Variants in SOX6 observed in about 807,000 individuals in gnomAD.
SOX6 encodes transcription factor SOX-6.
SOX6 carries 11 observed loss-of-function variants against 97.8 expected under a neutral mutation model. The observed-to-expected ratio is 0.11, with a 90% CI of 0.07 to 0.19. SOX6 has a LOEUF of 0.19. SOX6 is among the 10% of genes least tolerant of loss of function. The pLI is 1.00. For synonymous variants in SOX6, 360 were observed against 371.4 expected, an observed-to-expected ratio of 0.97 and a Z score of 0.35; for missense variants, 810 against 1,039.5, an observed-to-expected ratio of 0.78 and a Z score of 3.04.
chr11:16,163,745 C>T (rs1850814888), intron 6 of SOX6, among the ~76,000 whole-genome samples: 1 of 152,204 alleles, frequency 6.6e-6, no homozygotes, highest in Admixed American at 6.5e-5. Context: ...AAGCCTAACC[C>T]AAAAGGAATG....
intron 3 of SOX6, among the ~76,000 whole-genome samples, chr11:16,632,559 G>A (rs946875152): frequency 6.6e-6 from 1 of 152,202 alleles, no homozygotes; most frequent in African/African-American, 2.4e-5. Context: ...CTGGGGCAGG[G>A]TGAAGGGGCC....
intron 3 of SOX6, among the ~76,000 whole-genome samples, chr11:16,697,206 C>G (rs2134039313): frequency 6.6e-6 from 1 of 152,310 alleles, no homozygotes; most frequent in Admixed American, 6.5e-5. Flanking sequence ...CCACTGAAGT[C>G]TTGAGCCCCT....
At chr11:16,262,890 A>G (rs1853944992) in intron 3 of SOX6, among the ~76,000 whole-genome samples, 1 of 151,998 alleles carries the variant, frequency 6.6e-6, no homozygotes, top group South Asian at 2.1e-4. Context: ...ATACTATTCT[A>G]TGGCTATGTG....
intron 1 of SOX6, among the ~76,000 whole-genome samples, chr11:16,442,687 AG>A (rs1478743832): frequency 6.6e-6 from 1 of 152,168 alleles, no homozygotes; most frequent in Non-Finnish European, 1.5e-5. Context: ...CAACTCAAAA[AG>A]GACCATTTTA....
At chr11:16,583,130 A>T (rs528264999) in intron 4 of SOX6, among the ~76,000 whole-genome samples, 121 of 152,156 alleles carry the variant, frequency 8.0e-4, no homozygotes, top group Non-Finnish European at 1.2e-3. Flanking sequence ...AATATATTCA[A>T]TATATAAAAT....
intron 7 of SOX6, among the ~76,000 whole-genome samples, chr11:16,107,968 A>T (rs1456460214): frequency 6.6e-6 from 1 of 152,164 alleles, no homozygotes; most frequent in Non-Finnish European, 1.5e-5. Context: ...TCACCGTCAG[A>T]CTTTACTCCC....
intron 2 of SOX6, among the ~76,000 whole-genome samples, chr11:16,340,184 T>G (rs2134339299): frequency 6.6e-6 from 1 of 152,216 alleles, no homozygotes; most frequent in Non-Finnish European, 1.5e-5. Flanking sequence ...AAATAAAAAT[T>G]TTCTCAGTGT....
intron 6 of SOX6, among the ~76,000 whole-genome samples, chr11:16,138,936 A>C (rs376825892): frequency 1.3e-5 from 2 of 152,210 alleles, no homozygotes; most frequent in South Asian, 4.2e-4. Context: ...ACATTTTCTT[A>C]ATCCAGTCTA....
chr11:16,578,021 T>C (rs1011001540), intron 4 of SOX6, among the ~76,000 whole-genome samples: 2 of 152,286 alleles, frequency 1.3e-5, no homozygotes, highest in Middle Eastern at 3.4e-3. Context: ...TGTATTCCTA[T>C]GTTTTCTTCC....
chr11:16,006,840 A>G (rs572362389), intron 13 of SOX6, among the ~76,000 whole-genome samples: 11 of 152,050 alleles, frequency 7.2e-5, no homozygotes, highest in Non-Finnish European at 1.5e-4. Flanking sequence ...CCATAACAGT[A>G]TGGTGTTATG....
intron 6 of SOX6, among the ~76,000 whole-genome samples, chr11:16,176,078 T>C (rs953976133): frequency 1.7e-3 from 256 of 149,636 alleles, no homozygotes; most frequent in Admixed American, 2.3e-3. Flanking sequence ...GACGGATGGA[T>C]GGATGGATGG....
upstream of SOX6, among the ~76,000 whole-genome samples, chr11:16,480,977 C>T (rs1590218873): frequency 6.6e-6 from 1 of 152,050 alleles, no homozygotes; most frequent in South Asian, 2.1e-4. Context: ...AGGAAAATAT[C>T]GATGCCTGGT....
intron 15 of SOX6, among the ~76,000 whole-genome samples, chr11:15,979,000 G>T (rs1853583790): frequency 1.7e-5 from 1 of 59,140 alleles, no homozygotes; most frequent in African/African-American, 4.2e-5. Flanking sequence ...ATATATACAT[G>T]CTTATTTTAT....
chr11:16,079,693 A>G (rs1282802972), intron 9 of SOX6, among the ~76,000 whole-genome samples: 2 of 151,948 alleles, frequency 1.3e-5, no homozygotes, highest in Non-Finnish European at 2.9e-5. Context: ...TTCTTCTTAC[A>G]TTTTCTTCTG....
chr11:16,399,996 A>T (rs1332500451), intron 1 of SOX6, among the ~76,000 whole-genome samples: 1 of 151,476 alleles, frequency 6.6e-6, no homozygotes, highest in Non-Finnish European at 1.5e-5. Flanking sequence ...AAAAAAAGAC[A>T]GTTTCAGTTC....
At chr11:16,672,474 G>A (rs761692797) in intron 3 of SOX6, among the ~76,000 whole-genome samples, 4 of 152,200 alleles carry the variant, frequency 2.6e-5, no homozygotes, top group Non-Finnish European at 2.9e-5. Context: ...CTATGTGGCT[G>A]GGGAGGCCTC....
At chr11:16,447,217 A>C (rs1467589950) in intron 1 of SOX6, among the ~76,000 whole-genome samples, 1 of 152,152 alleles carries the variant, frequency 6.6e-6, no homozygotes, top group Non-Finnish European at 1.5e-5. Context: ...AAATTAAGTA[A>C]TTTTTAAGCT....
At chr11:15,988,933 C>T (rs1853953845) in intron 14 of SOX6, 64 bp downstream of exon 14, 1 of 1,497,282 alleles carries the variant, frequency 6.7e-7, no homozygotes, top group East Asian at 2.3e-5. Flanking sequence ...TTGCTTCCCA[C>T]CCTGGTGGCA....
At chr11:16,261,680 A>T (rs1474254572) in intron 3 of SOX6, among the ~76,000 whole-genome samples, 1 of 152,066 alleles carries the variant, frequency 6.6e-6, no homozygotes, top group Non-Finnish European at 1.5e-5. Flanking sequence ...TTACAAATTC[A>T]ATGCAGTCTA....
Sources: allele counts gnomAD v4.1 joint callset (sites outside exome capture counted in the v4.1 genomes callset), GRCh38; gene constraint gnomAD v4.1.1; transcripts MANE v1.5; gene names NCBI Gene and HGNC (gene_info 2026-07-23, HGNC 2026-07-21).